Variants in NKAIN2 observed in about 807,000 individuals in gnomAD.
NKAIN2 encodes the protein sodium/potassium-transporting ATPase subunit beta-1-interacting protein 2.
NKAIN2 carries 14 observed loss-of-function variants against 32.6 expected under a neutral mutation model. The ratio of observed to expected loss-of-function variants is 0.43; its 90% CI spans 0.28 to 0.67. The LOEUF is 0.67. Ranked by LOEUF, NKAIN2 falls within the 30% of genes least tolerant of loss-of-function variation. The pLI is 0.17. For synonymous variants in NKAIN2, 80 were observed against 87.2 expected (o/e 0.92, Z 0.46); for missense variants, 198 against 258.3 (o/e 0.77, Z 1.60).
intron 3 of NKAIN2, among the ~76,000 whole-genome samples, chr6:124,409,328 G>T (rs950794900): frequency 3.9e-5 from 6 of 152,140 alleles, no homozygotes; most frequent in Admixed American, 6.5e-5. Context: ...TTGGCTGTGG[G>T]TTTGTCATAG....
chr6:124,126,372 G>A (rs949718986), intron 1 of NKAIN2, among the ~76,000 whole-genome samples: 1 of 151,934 alleles, frequency 6.6e-6, no homozygotes, highest in African/African-American at 2.4e-5. Flanking sequence ...TCAAATCTCT[G>A]CCATCTCTTC....
rs571423527 is a variant in NKAIN2, at chr6:123,815,357, C to T, written c.54+11103C>T. Among the ~76,000 whole-genome samples the T allele has an allele frequency of 3.3e-5, 5 of 152,224 alleles. No homozygotes were observed. In the East Asian group the frequency reaches 5.8e-4, roughly 18 times the overall value. On this transcript the variant is annotated intron_variant, in intron 1 of 6. Transcript: ENST00000368417. ...TGTGGATGTCTGGGTCATTTTGCCC[C>T]ATTTTAAAGTGTTAATTCATATAAG...
chr6:124,632,725 T>C (rs1300276782), intron 3 of NKAIN2, among the ~76,000 whole-genome samples: 1 of 152,206 alleles, frequency 6.6e-6, no homozygotes, highest in East Asian at 1.9e-4. Context: ...AGTGTTTTAT[T>C]TAGACTTAGA....
At chr6:124,749,325 A>G (rs1019262244) in intron 4 of NKAIN2, among the ~76,000 whole-genome samples, 2 of 151,892 alleles carry the variant, frequency 1.3e-5, no homozygotes, top group Non-Finnish European at 2.9e-5. Context: ...TAATTTCCCC[A>G]TCTCAAGATC....
intron 1 of NKAIN2, among the ~76,000 whole-genome samples, chr6:124,022,929 T>A (rs1031416666): frequency 6.6e-6 from 1 of 151,960 alleles, no homozygotes; most frequent in Non-Finnish European, 1.5e-5. Context: ...TTGTTGCAGC[T>A]GTACTGGACT....
At chr6:124,134,250 A>G (rs1370593721) in intron 1 of NKAIN2, among the ~76,000 whole-genome samples, 1 of 152,228 alleles carries the variant, frequency 6.6e-6, no homozygotes, top group Admixed American at 6.5e-5. Flanking sequence ...TACAAAATGC[A>G]GTGAAAAGAT....
intron 3 of NKAIN2, among the ~76,000 whole-genome samples, chr6:124,432,836 T>C (rs568940695): frequency 5.9e-5 from 9 of 152,168 alleles, no homozygotes; most frequent in Non-Finnish European, 1.2e-4. Flanking sequence ...AGACTGCTTC[T>C]TCCCCCACAG....
Position 124,692,015 on chromosome 6 carries a change from A to G in NKAIN2, c.474+33629A>G, listed in dbSNP as rs537053515. ...TTATATTTTGTTAAAGGATAAAAATATAAAATGCGATATTCGAATAAAACT... is the reference window on the plus strand; with the variant it reads ...TTATATTTTGTTAAAGGATAAAAATGTAAAATGCGATATTCGAATAAAACT... On this transcript the variant is annotated intron_variant, in intron 4 of 6. Transcript: ENST00000368417. Among the ~76,000 whole-genome samples, 173 of 152,336 alleles carry G rather than the reference A, an allele frequency of 1.1e-3. 1 individual carries two copies. The highest frequency in any genetic ancestry group is 1.7e-3 in the Non-Finnish European group (114 of 68,030).
chr6:124,248,525 G>T (rs183731956), intron 1 of NKAIN2, among the ~76,000 whole-genome samples: 1 of 151,710 alleles, frequency 6.6e-6, no homozygotes, highest in Non-Finnish European at 1.5e-5. Context: ...TTTTTAAAAG[G>T]CTCTCTTAAT....
intron 3 of NKAIN2, among the ~76,000 whole-genome samples, chr6:124,382,301 T>C (rs935531934): frequency 6.6e-6 from 1 of 152,152 alleles, no homozygotes; most frequent in Admixed American, 6.6e-5. Context: ...AATTGATTTA[T>C]GAACAATCTA....
intron 3 of NKAIN2, among the ~76,000 whole-genome samples, chr6:124,370,091 C>T (rs9491140): frequency 0.38 from 57,503 of 150,580 alleles, 11,646 homozygotes; most frequent in African/African-American, 0.53. Context: ...TTCTGCTTTG[C>T]ACTTAAAATT....
intron 5 of NKAIN2, among the ~76,000 whole-genome samples, chr6:124,812,493 G>A (rs965922505): frequency 3.3e-5 from 5 of 151,994 alleles, no homozygotes; most frequent in Non-Finnish European, 5.9e-5. Flanking sequence ...TAGTAGTGGA[G>A]GAAATCAACA....
intron 3 of NKAIN2, among the ~76,000 whole-genome samples, chr6:124,465,630 T>TAAAAAAA (rs5879736): frequency 1.4e-5 from 2 of 140,820 alleles, no homozygotes; most frequent in African/African-American, 5.2e-5. Flanking sequence ...AAAGTAAAGT[T>TAAAAAAA]AAAAAAAAAA....
chr6:124,040,508 T>C (rs1316740987), intron 1 of NKAIN2, among the ~76,000 whole-genome samples: 4 of 152,032 alleles, frequency 2.6e-5, no homozygotes, highest in African/African-American at 7.2e-5. Flanking sequence ...TTACCTCAGA[T>C]ATGACTATTT....
intron 3 of NKAIN2, among the ~76,000 whole-genome samples, chr6:124,455,929 C>T (rs1419299855): frequency 6.6e-6 from 1 of 151,830 alleles, no homozygotes; most frequent in Non-Finnish European, 1.5e-5. Context: ...ACCCCATTTC[C>T]TACAAGGAAG....
chr6:124,268,708 T>A (rs1794614811), intron 1 of NKAIN2, among the ~76,000 whole-genome samples: 1 of 151,110 alleles, frequency 6.6e-6, no homozygotes, highest in Non-Finnish European at 1.5e-5. Flanking sequence ...GTATATATTA[T>A]AACATATATA....
intron 3 of NKAIN2, among the ~76,000 whole-genome samples, chr6:124,387,482 G>C (rs753873828): frequency 2.0e-4 from 30 of 151,990 alleles, no homozygotes; most frequent in Non-Finnish European, 3.5e-4. Flanking sequence ...CTGATTACCT[G>C]TCATCCTCTT....
intron 1 of NKAIN2, among the ~76,000 whole-genome samples, chr6:123,972,218 G>A (rs1292438925): frequency 2.0e-5 from 3 of 152,148 alleles, no homozygotes; most frequent in South Asian, 4.1e-4. Context: ...ATGACTTCCT[G>A]TCAACAGTAG....
intron 2 of NKAIN2, among the ~76,000 whole-genome samples, chr6:124,284,802 C>T (rs1795462766): frequency 6.6e-6 from 1 of 151,794 alleles, no homozygotes; most frequent in Non-Finnish European, 1.5e-5. Context: ...ATAATACTAA[C>T]CTGTGTAACA....
Sources: gnomAD v4.1 joint callset for allele counts (sites outside exome capture counted in the v4.1 genomes callset) on GRCh38, gnomAD v4.1.1 for gene constraint, MANE v1.5 for transcripts, NCBI Gene and HGNC (gene_info 2026-07-23, HGNC 2026-07-21) for gene names.